ROBO2: variants seen among roughly 807,000 people sequenced by gnomAD.
ROBO2 encodes roundabout homolog 2.
ROBO2 carries 53 observed loss-of-function variants against 160.8 expected under a neutral mutation model. The ratio of observed to expected loss-of-function variants is 0.33; its 90% confidence interval spans 0.26 to 0.41. The LOEUF is 0.41. Ranked by LOEUF, ROBO2 falls within the 10% of genes least tolerant of loss-of-function variation. The pLI, the probability that ROBO2 is intolerant of heterozygous loss-of-function variation, is 1.00. For missense variants in ROBO2, 1,577 were observed against 1,722.4 expected, an observed-to-expected ratio of 0.92 and a Z score of 1.49; for synonymous variants, 664 against 611.7, an observed-to-expected ratio of 1.09 and a Z score of -1.26.
intron 2 of ROBO2, among the ~76,000 whole-genome samples, chr3:76,390,133 A>C (rs1468398395): frequency 2.0e-5 from 3 of 152,162 alleles, no homozygotes; most frequent in African/African-American, 7.2e-5. Flanking sequence ...TAATAACTTA[A>C]TAATTATAAC....
At chr3:77,326,990 A>T (rs1297435115) in intron 2 of ROBO2, among the ~76,000 whole-genome samples, 1 of 152,238 alleles carries the variant, frequency 6.6e-6, no homozygotes, top group East Asian at 1.9e-4. Flanking sequence ...ATACAGGGAG[A>T]TACACTTCAT....
chr3:77,379,290 A>G (rs769097313), intron 2 of ROBO2, among the ~76,000 whole-genome samples: 1 of 152,130 alleles, frequency 6.6e-6, no homozygotes, highest in Non-Finnish European at 1.5e-5. Context: ...ACTTACCAAT[A>G]CATGCATGCC....
intron 2 of ROBO2, among the ~76,000 whole-genome samples, chr3:77,401,928 T>C (rs1186951742): frequency 6.6e-6 from 1 of 152,150 alleles, no homozygotes; most frequent in African/African-American, 2.4e-5. Context: ...CTCCAGCATC[T>C]GTATATACCC....
intron 2 of ROBO2, among the ~76,000 whole-genome samples, chr3:76,323,695 A>T (rs2072767978): frequency 6.6e-6 from 1 of 152,230 alleles, no homozygotes; most frequent in Non-Finnish European, 1.5e-5. Flanking sequence ...GGCAAGAAAA[A>T]GTTTCAAGCT....
chr3:77,602,578 A>C, intron 20 of ROBO2, 87 bp downstream of exon 21: 1 of 1,490,094 alleles, frequency 6.7e-7, no homozygotes, highest in Non-Finnish European at 9.3e-7. Context: ...TGACTTAGTG[A>C]TTCATTACCA....
intron 2 of ROBO2, among the ~76,000 whole-genome samples, chr3:76,068,965 G>A (rs1057216295): frequency 2.3e-4 from 35 of 152,186 alleles, no homozygotes; most frequent in African/African-American, 7.0e-4. Flanking sequence ...AGGTTGCTTC[G>A]TTGACCACCA....
chr3:76,694,448 A>T lies in ROBO2; in HGVS notation c.110-403566A>T, dbSNP rs935296650. ...GAGCCCAAATAAGCCAAAAGAGGTC[A>T]TCCTCTTACTACTCAAGTGCAGCTT... On this transcript the variant is annotated intron_variant, in intron 2 of 26. Transcript: ENST00000487694. Among the ~76,000 whole-genome samples, 13 of 152,154 alleles carry T rather than the reference A, an allele frequency of 8.5e-5. No homozygotes were observed. In the South Asian group the frequency reaches 1.4e-3, roughly 17 times the overall value.
chr3:76,846,056 A>C (rs899698345), intron 2 of ROBO2, among the ~76,000 whole-genome samples: 1 of 152,064 alleles, frequency 6.6e-6, no homozygotes, highest in Non-Finnish European at 1.5e-5. Flanking sequence ...GCTTTAACCT[A>C]ATGGTGGTTG....
intron 2 of ROBO2, among the ~76,000 whole-genome samples, chr3:76,088,179 A>G (rs939246634): frequency 1.3e-5 from 2 of 152,084 alleles, no homozygotes; most frequent in African/African-American, 4.8e-5. Flanking sequence ...GCACATAAAA[A>G]TCCTTAGTGC....
At chr3:77,390,293 C>G (rs2074582074) in intron 2 of ROBO2, among the ~76,000 whole-genome samples, 1 of 152,152 alleles carries the variant, frequency 6.6e-6, no homozygotes, top group Admixed American at 6.5e-5. Context: ...GTCAAGTACT[C>G]TGGTGTTTTT....
At chr3:77,030,622 G>A (rs373616216) in intron 2 of ROBO2, among the ~76,000 whole-genome samples, 80 of 152,204 alleles carry the variant, frequency 5.3e-4, no homozygotes, top group Non-Finnish European at 9.1e-4. Context: ...CCATGCTCTT[G>A]AGGAAGGCTC....
intron 2 of ROBO2, among the ~76,000 whole-genome samples, chr3:77,165,837 C>G (rs1018196143): frequency 1.3e-5 from 2 of 152,134 alleles, no homozygotes; most frequent in East Asian, 1.9e-4. Flanking sequence ...TCTTCTGACT[C>G]CATAGAGCTG....
chr3:77,503,297 G>A (rs1357246671), intron 5 of ROBO2, among the ~76,000 whole-genome samples: 5 of 151,424 alleles, frequency 3.3e-5, no homozygotes, highest in East Asian at 3.9e-4. Flanking sequence ...AAGCCGAGGC[G>A]GGCAGATCAC....
chr3:76,543,201 C>T (rs1164081825), intron 2 of ROBO2, among the ~76,000 whole-genome samples: 8 of 152,166 alleles, frequency 5.3e-5, no homozygotes. Context: ...TGATTGTTCA[C>T]AATGACTGTT....
intron 2 of ROBO2, among the ~76,000 whole-genome samples, chr3:77,286,418 A>G (rs556627348): frequency 1.6e-4 from 18 of 113,696 alleles, no homozygotes; most frequent in Non-Finnish European, 2.8e-4. Context: ...CACCATGCCC[A>G]GCTAATTTTT....
intron 2 of ROBO2, among the ~76,000 whole-genome samples, chr3:77,160,759 A>G (rs540498861): frequency 6.6e-6 from 1 of 152,308 alleles, no homozygotes; most frequent in African/African-American, 2.4e-5. Context: ...GATTCTGAGC[A>G]TGTAATTACT....
At chr3:76,209,130 C>G (rs1012274164) in intron 2 of ROBO2, among the ~76,000 whole-genome samples, 1 of 152,196 alleles carries the variant, frequency 6.6e-6, no homozygotes, top group Admixed American at 6.6e-5. Context: ...TAAACTGTTA[C>G]ATGGCAAGGC....
At chr3:77,106,462 T>G (rs1330469612) in intron 2 of ROBO2, among the ~76,000 whole-genome samples, 1 of 152,288 alleles carries the variant, frequency 6.6e-6, no homozygotes, top group Admixed American at 6.5e-5. Context: ...CAGTAACTCA[T>G]ATGCTTTTCT....
chr3:76,107,844 A>C (rs933014905), intron 2 of ROBO2, among the ~76,000 whole-genome samples: 4 of 152,044 alleles, frequency 2.6e-5, no homozygotes, highest in Non-Finnish European at 5.9e-5. Context: ...CTCAAAGTTA[A>C]TATTTGTTTT....
Sources: allele counts gnomAD v4.1 joint callset (sites outside exome capture counted in the v4.1 genomes callset), GRCh38; gene constraint gnomAD v4.1.1; transcripts MANE v1.5; gene names NCBI Gene and HGNC (gene_info 2026-07-23, HGNC 2026-07-21).